Variants in OTOF observed in about 807,000 individuals in gnomAD.
OTOF encodes the protein otoferlin.
In OTOF, 218 loss-of-function variants were observed where a neutral mutation model predicts 236.8. The ratio of observed to expected loss-of-function variants is 0.92; its 90% CI spans 0.82 to 1.03. The LOEUF is 1.03. Among genes scored for constraint, OTOF ranks in the 50% least tolerant of loss-of-function variants. The probability of loss-of-function intolerance (pLI) is 0.00; values close to 1 mark genes in which losing one functional copy is unlikely to be tolerated. For synonymous variants in OTOF, 1,041 were observed against 1,072.5 expected (o/e 0.97, Z 0.57); for missense variants, 2,590 against 2,694.4 (o/e 0.96, Z 0.86).
At chr2:26,493,851 A>G (rs1366778423) in intron 9 of OTOF, among the ~76,000 whole-genome samples, 1 of 152,186 alleles carries the variant, frequency 6.6e-6, no homozygotes, top group Non-Finnish European at 1.5e-5. Flanking sequence ...TGGGGGAGGG[A>G]CTTGCACACT....
chr2:26,510,262 C>A (rs1245126339), intron 5 of OTOF, among the ~76,000 whole-genome samples: 1 of 152,114 alleles, frequency 6.6e-6, no homozygotes, highest in Non-Finnish European at 1.5e-5. Context: ...CAAAGGGTAC[C>A]CAGAGTTCCT....
rs1667138225 is a variant in OTOF at position 26,538,750 on chromosome 2, C to T, written c.80-976G>A. Among the ~76,000 whole-genome samples the T allele has an allele frequency of 2.6e-5, 4 of 151,676 alleles. No individual in the cohort carries two copies. In the South Asian group the frequency reaches 8.3e-4, roughly 32 times the overall value. Reference sequence around the variant, plus strand: ...AATGACAAAGGCACAGGCTCCCACCCACAGGTAGCTGATGGTCTAGAAGGG... The same window carrying T: ...AATGACAAAGGCACAGGCTCCCACCTACAGGTAGCTGATGGTCTAGAAGGG... On this transcript the variant is annotated intron_variant, in intron 1 of 46. Transcript: ENST00000272371.
chr2:26,553,936 G>T (rs1363575226), intron 1 of OTOF, among the ~76,000 whole-genome samples: 1 of 152,124 alleles, frequency 6.6e-6, no homozygotes. Flanking sequence ...ACTTTGGGAG[G>T]CCGAGGCAGG....
At chr2:26,475,578 T>G in intron 24 of OTOF, 85 bp from the exon 25 acceptor site, 1 of 1,467,224 alleles carries the variant, frequency 6.8e-7, no homozygotes, top group Non-Finnish European at 9.5e-7. Context: ...CTCACTCAGC[T>G]TCCACGGAAC....
intron 1 of OTOF, among the ~76,000 whole-genome samples, chr2:26,538,889 C>A (rs1236414949): frequency 6.6e-6 from 1 of 151,206 alleles, no homozygotes; most frequent in African/African-American, 2.4e-5. Context: ...TCTCGGCTCA[C>A]TGCAACCTCC....
intron 2 of OTOF, among the ~76,000 whole-genome samples, chr2:26,537,453 C>T (rs1030545302): frequency 3.6e-4 from 55 of 152,236 alleles, no homozygotes; most frequent in African/African-American, 1.3e-3. Context: ...CCAGCAGGGC[C>T]GTCGAGGTGG....
chr2:26,494,705 C>T (rs529526375), intron 9 of OTOF, among the ~76,000 whole-genome samples: 145 of 151,946 alleles, frequency 9.5e-4, no homozygotes, highest in Admixed American at 1.6e-3. Context: ...CAGGAGCACC[C>T]GGGTGGTGTA....
In OTOF at chr2:26,470,970, T is replaced by A. The variant is rs1664948579; in HGVS notation, c.3894+151A>T. ...GCACCGAGTCCTGCACTCACCCAGC[T>A]CTTTTCCACTGCATCTTAGGGGAGG... On this transcript the variant is annotated intron_variant, in intron 31 of 46. Coordinates refer to ENST00000272371, the MANE Select transcript of OTOF (RefSeq NM_194248.3). This position sits in a 1 kb window ranked among gnomAD's most constrained non-coding sequence, Gnocchi z 4.3. The A allele has an allele frequency of 8.7e-7, 1 of 1,146,046 alleles. No homozygotes were observed. The highest frequency in any genetic ancestry group is 1.3e-5 in the South Asian group (1 of 76,774). 71.0% of individuals were successfully genotyped at this position (1,146,046 alleles called of 1,614,324 possible). A position where few individuals can be genotyped will look rare whatever the true frequency, so the allele number is the denominator to read the frequency against.
chr2:26,486,502 A>G (rs970317220), intron 11 of OTOF, among the ~76,000 whole-genome samples: 1 of 152,192 alleles, frequency 6.6e-6, no homozygotes, highest in East Asian at 1.9e-4. Flanking sequence ...GGTTAGATGA[A>G]TTGGGGACAT....
At chr2:26,505,200 C>G (rs1257860734) in intron 5 of OTOF, among the ~76,000 whole-genome samples, 1 of 152,118 alleles carries the variant, frequency 6.6e-6, no homozygotes, top group East Asian at 1.9e-4. Flanking sequence ...ACCCTTTTCA[C>G]GTGGCAGCAG....
At chr2:26,526,429 G>A (rs901990571) in intron 3 of OTOF, among the ~76,000 whole-genome samples, 20 of 152,118 alleles carry the variant, frequency 1.3e-4, no homozygotes, top group African/African-American at 4.8e-4. Context: ...AAGGAAGGGT[G>A]GATAAATCAA....
chr2:26,516,745 C>T (rs1666538721), intron 4 of OTOF, 146 bp from the exon 5 acceptor site: 1 of 830,526 alleles, frequency 1.2e-6, no homozygotes, highest in Non-Finnish European at 2.0e-6. Context: ...CCCTCTGCCC[C>T]ATTTTGCTGA....
At chr2:26,535,050 G>A (rs773488025) in intron 2 of OTOF, among the ~76,000 whole-genome samples, 3 of 152,226 alleles carry the variant, frequency 2.0e-5, no homozygotes, top group South Asian at 2.1e-4. Flanking sequence ...CCTCCGGGCC[G>A]TTCCTGAACA....
Position 26,465,711 on chromosome 2 carries a change from T to A in OTOF, c.4760A>T (p.Lys1587Met), listed in dbSNP as rs1283647768. ...GGCGATGCCGCAGGTGGCGCGGTGC[T>A]TGCTGTAGAAGCGGTTCTCCAGGTC... ...KIDLENRFYSKHRATCGIAQT... is the reference protein window; with the variant it reads ...KIDLENRFYSMHRATCGIAQT... Residue 1587 changes from lysine (K) to methionine (M), a missense_variant, in exon 38 of 47, where the codon AAG becomes ATG. This residue lies in a region of OTOF where 1,211 missense variants were observed against 1,352.8 expected (regional missense o/e 0.90). Coordinates refer to ENST00000272371, the MANE Select transcript of OTOF (RefSeq NM_194248.3). 1 of 1,614,270 alleles carries A rather than the reference T, an allele frequency of 6.2e-7. No homozygotes were observed. Among genetic ancestry groups the A allele is most frequent in the Non-Finnish European group, 8.5e-7 (1 of 1,180,042 alleles).
chr2:26,555,007 C>T (rs574790749), intron 1 of OTOF, among the ~76,000 whole-genome samples: 1 of 152,322 alleles, frequency 6.6e-6, no homozygotes, highest in Admixed American at 6.5e-5. Flanking sequence ...GGTTCCCTTA[C>T]AGTCCAGGTC....
Position 26,464,976 on chromosome 2 carries a change from C to T in OTOF, c.4853G>A (p.Arg1618His), listed in dbSNP as rs764799194. Reference protein sequence around the residue: ...DPMKPSQILTRLCKDGKVDGP... With the variant: ...DPMKPSQILTHLCKDGKVDGP... ...GTCCACTTTGCCGTCTTTGCAGAGG[C>T]GGGTCAGGATCTGGCTGGGCTTCAT... is the stretch of plus-strand genomic sequence containing the variant. The change falls in exon 39 of 47, where the codon CGC becomes CAC. Residue 1618 changes from arginine to histidine, a missense_variant. Physicochemically the swap from Arg to His is conservative, Grantham distance 29. Transcript: ENST00000272371. 2.4e-5 allele frequency: 37 copies of T among 1,540,188 alleles called. No homozygotes were observed. Among genetic ancestry groups the T allele is most frequent in the Admixed American group, 1.7e-4 (9 of 53,690 alleles).
At chr2:26,557,749 G>A (rs559953588) in intron 1 of OTOF, among the ~76,000 whole-genome samples, 5 of 151,836 alleles carry the variant, frequency 3.3e-5, no homozygotes, top group South Asian at 2.1e-4. Flanking sequence ...CCTGGGTGAG[G>A]GTGCTGCTTC....
At chr2:26,503,960 C>G in intron 5 of OTOF, 115 bp from the exon 6 acceptor site, 1 of 908,924 alleles carries the variant, frequency 1.1e-6, no homozygotes, top group East Asian at 2.5e-5. Flanking sequence ...ATGGACCCGG[C>G]CCCTCACCTA....
chr2:26,489,569 G>A lies in OTOF; in HGVS notation c.960+109C>T, dbSNP rs41288777. On this transcript the variant is annotated intron_variant, in intron 10 of 46. Coordinates refer to ENST00000272371, the MANE Select transcript of OTOF (RefSeq NM_194248.3). The stretch of plus-strand genomic sequence containing the variant: ...CTTGCCCAGCCGTGTGTCCAGGCAC[G>A]GCGCTGCCTCTTTATCATGGGTCTA... 0.023 allele frequency: 21,118 copies of A among 929,658 alleles called. 272 individuals carry two copies. Among genetic ancestry groups the A allele is most frequent in the Middle Eastern group, 0.034 (161 of 4,738 alleles). The allele number at this position is 929,658 out of a possible 1,614,324, so 57.6% of individuals were successfully genotyped here. A position where few individuals can be genotyped will look rare whatever the true frequency, so the allele number is the denominator to read the frequency against.
Sources: gnomAD v4.1 joint callset for allele counts (sites outside exome capture counted in the v4.1 genomes callset) on GRCh38, gnomAD v4.1.1 for gene constraint, gnomAD v4.1.1 regional missense constraint, Gnocchi (gnomAD v3.1) non-coding constraint, MANE v1.5 for transcripts, NCBI Gene and HGNC (gene_info 2026-07-23, HGNC 2026-07-21) for gene names.